ARL13B: variants seen among roughly 807,000 people sequenced by gnomAD.
ARL13B encodes the protein ADP-ribosylation factor-like protein 13B.
In ARL13B, 36 loss-of-function variants were observed where a neutral mutation model predicts 56.1. The observed-to-expected ratio is 0.64, with a 90% confidence interval of 0.49 to 0.85. ARL13B has a LOEUF of 0.85. ARL13B is among the 40% of genes least tolerant of loss of function. The pLI is 0.00. For missense variants in ARL13B, 519 were observed against 507.1 expected (o/e 1.02, Z -0.23); for synonymous variants, 178 against 171.1 (o/e 1.04, Z -0.32).
chr3:93,980,933 C>T (rs1478564804), intron 1 of ARL13B, among the ~76,000 whole-genome samples: 1 of 152,162 alleles, frequency 6.6e-6, no homozygotes, highest in African/African-American at 2.4e-5. Flanking sequence ...GGCTCCACTA[C>T]TTAATAATTA....
intron 2 of ARL13B, among the ~76,000 whole-genome samples, chr3:93,997,069 C>T (rs1474444262): frequency 1.3e-5 from 2 of 151,940 alleles, no homozygotes; most frequent in African/African-American, 4.8e-5. Flanking sequence ...TGCCTCCCAT[C>T]ACCCCCCCAG....
intron 6 of ARL13B, among the ~76,000 whole-genome samples, chr3:94,041,201 T>C (rs1310894808): frequency 6.6e-6 from 1 of 151,928 alleles, no homozygotes; most frequent in Non-Finnish European, 1.5e-5. Context: ...ATTAAAATGG[T>C]GAGATATTGG....
At position 94,036,695 on chromosome 3, in the gene ARL13B, T is replaced by C; in HGVS notation, c.630T>C (p.Ala210=). 1 of 1,614,054 alleles carries C rather than the reference T, an allele frequency of 6.2e-7. No homozygotes were observed. The highest frequency in any genetic ancestry group is 1.7e-5 in the Admixed American group (1 of 60,024). ...AAAAAGAGACAACAGAGCAGCGTGC[T>C]CTTGAGGAACAAGAGAAACAAGAAA... ...RIQKETTEQR[A]LEEQEKQERA... The change falls in exon 5 of 10, where the codon GCT becomes GCC. Residue 210 remains alanine (A), a synonymous_variant. Coordinates refer to ENST00000394222, the MANE Select transcript of ARL13B (RefSeq NM_001174150.2).
At chr3:93,981,489 GA>G (rs937054308) in intron 1 of ARL13B, among the ~76,000 whole-genome samples, 37 of 151,702 alleles carry the variant, frequency 2.4e-4, no homozygotes, top group Admixed American at 5.2e-4. Context: ...GTCTAGATTG[GA>G]AAAAAAGTAA....
rs746036529 is a variant in ARL13B at position 94,053,351 on chromosome 3, A to C, written c.*88A>C. 1 of 1,169,810 alleles carries C rather than the reference A, an allele frequency of 8.5e-7. No individual in the cohort carries two copies. Among genetic ancestry groups the C allele is most frequent in the African/African-American group, 1.5e-5 (1 of 66,466 alleles). 72.5% of individuals were successfully genotyped at this position (1,169,810 alleles called of 1,614,324 possible). A position where few individuals can be genotyped will look rare whatever the true frequency, so the allele number is the denominator to read the frequency against. On this transcript the variant is annotated 3_prime_UTR_variant, in exon 10 of 10. Transcript: ENST00000394222. ...AGAAGAAGAAACATCTTGTAAATTG[A>C]TGACTGGGGCAAGATAACCATAATA... is the stretch of plus-strand genomic sequence containing the variant.
intron 3 of ARL13B, among the ~76,000 whole-genome samples, chr3:94,023,924 A>G (rs2076503112): frequency 6.6e-6 from 1 of 152,174 alleles, no homozygotes; most frequent in African/African-American, 2.4e-5. Flanking sequence ...GACCAAATTG[A>G]TCACTTTACA....
At chr3:93,996,720 C>A in intron 2 of ARL13B, 1 of 358,188 alleles carries the variant, frequency 2.8e-6, no homozygotes, top group Non-Finnish European at 5.9e-6. Context: ...TACAATATAG[C>A]AGTATCTATG....
rs957048463 is a variant in ARL13B at position 94,045,811 on chromosome 3, C to T, written c.1024+2571C>T. On this transcript the variant is annotated intron_variant, in intron 7 of 9. Coordinates refer to ENST00000394222, the MANE Select transcript of ARL13B (RefSeq NM_001174150.2). Reference sequence around the variant, plus strand: ...CTAAAAATCCAAAAAATTAGCCAGGCGTGGTGGTGGGCGCCTGTGGTCCCA... The same window carrying T: ...CTAAAAATCCAAAAAATTAGCCAGGTGTGGTGGTGGGCGCCTGTGGTCCCA... Among the ~76,000 whole-genome samples, 62 of 151,494 alleles carry T rather than the reference C, an allele frequency of 4.1e-4. 1 individual carries two copies. The highest frequency in any genetic ancestry group is 6.2e-4 in the Non-Finnish European group (42 of 67,854).
chr3:94,019,096 T>G (rs954273092), intron 3 of ARL13B, among the ~76,000 whole-genome samples: 1 of 151,566 alleles, frequency 6.6e-6, no homozygotes, highest in Non-Finnish European at 1.5e-5. Context: ...TTTTTCTACA[T>G]TTCATATGCA....
At chr3:93,993,212 G>A (rs2075907332) in intron 1 of ARL13B, among the ~76,000 whole-genome samples, 1 of 151,988 alleles carries the variant, frequency 6.6e-6, no homozygotes, top group Admixed American at 6.6e-5. Flanking sequence ...TGCAACCTCT[G>A]CCTCCTGCGT....
At chr3:94,021,931 G>C (rs1166325611) in intron 3 of ARL13B, among the ~76,000 whole-genome samples, 3 of 151,892 alleles carry the variant, frequency 2.0e-5, no homozygotes, top group Non-Finnish European at 4.4e-5. Context: ...AGGTTAACAA[G>C]TCAAGTCATG....
chr3:93,987,653 T>C (rs1265722241), intron 1 of ARL13B, among the ~76,000 whole-genome samples: 1 of 152,104 alleles, frequency 6.6e-6, no homozygotes, highest in South Asian at 2.1e-4. Flanking sequence ...AAACCTCTAT[T>C]GTAATTCCTT....
At position 94,052,248 on chromosome 3, in the gene ARL13B, TTTTG is replaced by T. The variant is rs199814617; in HGVS notation, c.1211-932_1211-929del. On this transcript the variant is annotated intron_variant, in intron 9 of 9. Coordinates refer to ENST00000394222, the MANE Select transcript of ARL13B (RefSeq NM_001174150.2). ...GTTGAACTCATTTAACATACAAGTA[TTTTG>T]TTTGTTAAAACATTGGTAATAACAA... Among the ~76,000 whole-genome samples, 18 of 152,258 alleles carry T rather than the reference TTTTG, an allele frequency of 1.2e-4. No homozygotes were observed. The East Asian group carries it at 3.5e-3, about 29-fold the overall frequency.
chr3:94,020,917 A>G (rs2076434080), intron 3 of ARL13B, among the ~76,000 whole-genome samples: 1 of 152,128 alleles, frequency 6.6e-6, no homozygotes, highest in Admixed American at 6.5e-5. Context: ...AGCTGGAAGG[A>G]GATTCCATAC....
intron 3 of ARL13B, among the ~76,000 whole-genome samples, chr3:94,031,355 A>G (rs1479694129): frequency 6.6e-6 from 1 of 152,164 alleles, no homozygotes; most frequent in African/African-American, 2.4e-5. Context: ...TAGTAAGTCA[A>G]TAGCAAATGT....
At chr3:93,989,256 A>G (rs1016303222) in intron 1 of ARL13B, among the ~76,000 whole-genome samples, 1 of 152,170 alleles carries the variant, frequency 6.6e-6, no homozygotes, top group Non-Finnish European at 1.5e-5. Flanking sequence ...ATGTATTTTA[A>G]TTTTACTTAG....
intron 3 of ARL13B, among the ~76,000 whole-genome samples, chr3:94,022,781 C>T (rs571356564): frequency 3.3e-5 from 5 of 151,994 alleles, no homozygotes; most frequent in African/African-American, 1.2e-4. Flanking sequence ...TGATTTTTCA[C>T]AAAGTAAATA....
Position 94,049,461 on chromosome 3 carries a change from AC to A in ARL13B, c.1082del (p.Pro361HisfsTer4), listed in dbSNP as rs768630758. ...GAATGAAAAGGAACCACCGGGTAGA[AC>A]CACTTAATATAGATGACTGTGCTCC... ...LRMKRNHRVE[P>X]LNIDDCAPES... is the part of the protein sequence containing the mutation. On this transcript the variant is annotated frameshift_variant, in exon 8 of 10. Coordinates refer to ENST00000394222, the MANE Select transcript of ARL13B (RefSeq NM_001174150.2). LOFTEE classifies it high-confidence loss of function. The A allele has an allele frequency of 1.2e-6, 2 of 1,611,236 alleles. No homozygotes were observed. Among genetic ancestry groups the A allele is most frequent in the South Asian group, 2.2e-5 (2 of 90,076 alleles).
intron 2 of ARL13B, among the ~76,000 whole-genome samples, chr3:94,000,679 T>C (rs1300673103): frequency 6.6e-6 from 1 of 152,114 alleles, no homozygotes; most frequent in Non-Finnish European, 1.5e-5. Context: ...CTAAGAGCTC[T>C]ATGGGATCAG....
Sources: allele counts gnomAD v4.1 joint callset (sites outside exome capture counted in the v4.1 genomes callset), GRCh38; gene constraint gnomAD v4.1.1; transcripts MANE v1.5; gene names NCBI Gene and HGNC (gene_info 2026-07-23, HGNC 2026-07-21).